BICDL1: variants seen among roughly 807,000 people sequenced by gnomAD.
BICDL1 encodes the protein BICD family-like cargo adapter 1.
A neutral mutation model predicts 76.8 loss-of-function variants in BICDL1; 20 were observed. That is an observed-to-expected ratio of 0.26 (90% CI 0.18 to 0.38). The LOEUF (loss-of-function observed/expected upper bound fraction) is 0.38. BICDL1 is among the 10% of genes least tolerant of loss of function. The pLI is 1.00. For missense variants in BICDL1, 700 were observed against 798.6 expected (o/e 0.88, Z 1.49); for synonymous variants, 383 against 337.1 (o/e 1.14, Z -1.49).
At chr12:120,065,280 A>T (rs981640990) in intron 4 of BICDL1, among the ~76,000 whole-genome samples, 1 of 152,192 alleles carries the variant, frequency 6.6e-6, no homozygotes, top group Admixed American at 6.5e-5. Context: ...TCCCAAGCTC[A>T]TGGATTTAGT....
intron 8 of BICDL1, among the ~76,000 whole-genome samples, chr12:120,086,884 G>A (rs186265270): frequency 6.6e-6 from 1 of 152,216 alleles, no homozygotes; most frequent in African/African-American, 2.4e-5. Flanking sequence ...ATGTCCCAAC[G>A]GTGCAGCGCG....
chr12:119,997,213 T>C (rs1437894065), intron 1 of BICDL1, among the ~76,000 whole-genome samples: 3 of 152,234 alleles, frequency 2.0e-5, no homozygotes, highest in Non-Finnish European at 4.4e-5. Flanking sequence ...CCCAAAGTGC[T>C]GGGATTACAG....
In BICDL1 at chr12:120,093,502, C is replaced by T. The variant is rs929306088; in HGVS notation, c.*341C>T. On this transcript the variant is annotated 3_prime_UTR_variant, in exon 10 of 10. Coordinates refer to ENST00000548673, the MANE Select transcript of BICDL1 (RefSeq NM_001367886.1). The stretch of plus-strand genomic sequence containing the variant: ...ACACCCAACAGATCGCAGCCCACCC[C>T]CAGGCACTGCTGCCTCCTTGATTTT... 37 of 278,574 alleles carry T rather than the reference C, an allele frequency of 1.3e-4. No homozygotes were observed. Among genetic ancestry groups the T allele is most frequent in the Non-Finnish European group, 2.3e-4 (33 of 143,448 alleles). The allele number at this position is 278,574 out of a possible 1,614,324, so 17.3% of individuals were successfully genotyped here. A position where few individuals can be genotyped will look rare whatever the true frequency, so the allele number is the denominator to read the frequency against.
intron 2 of BICDL1, among the ~76,000 whole-genome samples, chr12:120,030,624 G>C (rs186861796): frequency 8.7e-4 from 133 of 152,324 alleles, no homozygotes; most frequent in African/African-American, 2.9e-3. Flanking sequence ...ATTATTGATA[G>C]GTAGCAAGAC....
Position 120,083,841 on chromosome 12 carries a change from C to T in BICDL1, c.1583+2824C>T, listed in dbSNP as rs187709257. 4.6e-5 allele frequency among the ~76,000 whole-genome samples: 7 copies of T among 151,506 alleles called. No individual in the cohort carries two copies. In the South Asian group the frequency reaches 8.4e-4, roughly 18 times the overall value. On this transcript the variant is annotated intron_variant, in intron 8 of 9. Coordinates refer to ENST00000548673, the MANE Select transcript of BICDL1 (RefSeq NM_001367886.1). ...TGGCTAATTTTTCTGTTAGTAGAGA[C>T]GGGGTTTCAGCATGTTGGTCAAGCT... is the stretch of plus-strand genomic sequence containing the variant.
Position 120,064,679 on chromosome 12 carries a change from C to G in BICDL1, c.763-54C>G, listed in dbSNP as rs542111348. ...TTTTGGGGCTAGTCCCTAGTTCCTA[C>G]TTGTCAGCCCGGGTGTAACTCCACA... On this transcript the variant is annotated intron_variant, in intron 3 of 9. Transcript: ENST00000548673. The G allele has an allele frequency of 5.4e-5, 84 of 1,541,346 alleles. 2 individuals carry two copies. In the South Asian group the frequency reaches 1.0e-3, roughly 19 times the overall value.
intron 9 of BICDL1, chr12:120,092,716 C>G (rs1269251700): frequency 2.0e-6 from 2 of 985,262 alleles, no homozygotes; most frequent in East Asian, 2.3e-4. Context: ...CAGGGAGAGA[C>G]CACCCGAGCC....
At chr12:120,049,839 T>C (rs1003637907) in intron 2 of BICDL1, among the ~76,000 whole-genome samples, 2 of 152,260 alleles carry the variant, frequency 1.3e-5, no homozygotes, top group African/African-American at 2.4e-5. Flanking sequence ...TTGTCACATG[T>C]GTTCTTAAAC....
chr12:120,071,727 G>A lies in BICDL1; in HGVS notation c.1015G>A (p.Ala339Thr), dbSNP rs781251281. 36 of 1,612,116 alleles carry A rather than the reference G, an allele frequency of 2.2e-5. 1 individual carries two copies. In the South Asian group the frequency reaches 3.2e-4, roughly 14 times the overall value. ...GGAGAGGAGTCTGCAGAGCTCTGCC[G>A]CCACCAGCACATCCCTCCTGTCAGA... ...TEERSLQSSAATSTSLLSEIE... is the reference protein window; with the variant it reads ...TEERSLQSSATTSTSLLSEIE... Residue 339 changes from alanine (A) to threonine (T), a missense_variant, in exon 5 of 10, where the codon GCC becomes ACC. Coordinates refer to ENST00000548673, the MANE Select transcript of BICDL1 (RefSeq NM_001367886.1). This position sits in a 1 kb window ranked among gnomAD's most constrained non-coding sequence, Gnocchi z 4.8.
At chr12:120,028,073 C>A (rs985940752) in intron 2 of BICDL1, among the ~76,000 whole-genome samples, 2 of 152,152 alleles carry the variant, frequency 1.3e-5, no homozygotes, top group Non-Finnish European at 2.9e-5. Context: ...GGGAAATTGG[C>A]TGTTTTGAAG....
intron 2 of BICDL1, among the ~76,000 whole-genome samples, chr12:120,034,187 G>A (rs545351186): frequency 1.5e-4 from 23 of 152,228 alleles, no homozygotes; most frequent in African/African-American, 4.6e-4. Context: ...TTATCCCTAC[G>A]AATGAAATTA....
chr12:120,014,623 C>T (rs1014615018), intron 2 of BICDL1, among the ~76,000 whole-genome samples: 10 of 150,936 alleles, frequency 6.6e-5, no homozygotes, highest in African/African-American at 2.4e-4. Context: ...ACCCAGGAGG[C>T]AGAGGTTGCA....
chr12:120,058,277 G>T (rs1282073761), intron 2 of BICDL1, among the ~76,000 whole-genome samples: 14 of 152,218 alleles, frequency 9.2e-5, no homozygotes, highest in Admixed American at 9.2e-4. Flanking sequence ...AGGCTCTAGA[G>T]TTTAACTTTC....
At chr12:120,060,942 T>C (rs1365226025) in intron 2 of BICDL1, among the ~76,000 whole-genome samples, 2 of 152,132 alleles carry the variant, frequency 1.3e-5, no homozygotes, top group Non-Finnish European at 2.9e-5. Flanking sequence ...AAAAAAGCAT[T>C]GAGGCAGTTA....
intron 2 of BICDL1, among the ~76,000 whole-genome samples, chr12:120,026,444 AAAT>A (rs1952303994): frequency 6.6e-6 from 1 of 152,218 alleles, no homozygotes; most frequent in South Asian, 2.1e-4. Flanking sequence ...TTCTAAAAAA[AAAT>A]AATATTGTCA....
chr12:120,057,818 C>CTTTT lies in BICDL1; in HGVS notation c.646-3865_646-3862dup, dbSNP rs143777152. Among the ~76,000 whole-genome samples, 31 of 78,324 alleles carry CTTTT rather than the reference C, an allele frequency of 4.0e-4. 1 individual carries two copies. Among genetic ancestry groups the CTTTT allele is most frequent in the South Asian group, 5.0e-4 (1 of 1,988 alleles). 51.4% of individuals were successfully genotyped at this position (78,324 alleles called of 152,430 possible). ...TGCAAAAGGAGGCCAGCGATTCCTGCTTTTTTTTTTTTTTTTTTTTTTTTT... is the reference window on the plus strand; with the variant it reads ...TGCAAAAGGAGGCCAGCGATTCCTGCTTTTTTTTTTTTTTTTTTTTTTTTTTTTT... On this transcript the variant is annotated intron_variant, in intron 2 of 9. Coordinates refer to ENST00000548673, the MANE Select transcript of BICDL1 (RefSeq NM_001367886.1).
chr12:120,092,599 G>C (rs1875071863), intron 9 of BICDL1: 1 of 985,370 alleles, frequency 1.0e-6, no homozygotes, highest in Non-Finnish European at 1.2e-6. Context: ...GGCCTGCCGG[G>C]GCTGGGGGTG....
intron 2 of BICDL1, among the ~76,000 whole-genome samples, chr12:120,034,375 A>C (rs1952489656): frequency 6.6e-6 from 1 of 152,200 alleles, no homozygotes; most frequent in African/African-American, 2.4e-5. Flanking sequence ...AAATTAACAC[A>C]GAGGGGTTTT....
intron 2 of BICDL1, among the ~76,000 whole-genome samples, chr12:120,016,106 CTG>C (rs1405517553): frequency 6.6e-6 from 1 of 152,150 alleles, no homozygotes; most frequent in Non-Finnish European, 1.5e-5. Context: ...TGTTTTCTGT[CTG>C]TATTGATTTT....
Sources: allele counts gnomAD v4.1 joint callset (sites outside exome capture counted in the v4.1 genomes callset), GRCh38; gene constraint gnomAD v4.1.1; non-coding constraint Gnocchi (gnomAD v3.1); transcripts MANE v1.5; gene names NCBI Gene and HGNC (gene_info 2026-07-23, HGNC 2026-07-21).